CAPZA2: variants seen among roughly 807,000 people sequenced by gnomAD.
CAPZA2 encodes F-actin-capping protein subunit alpha-2.
A neutral mutation model predicts 44.0 loss-of-function variants in CAPZA2; 13 were observed. The observed-to-expected ratio is 0.30, with a 90% CI of 0.19 to 0.47. CAPZA2 has a LOEUF of 0.47. Among genes scored for constraint, CAPZA2 ranks in the 20% least tolerant of loss-of-function variants. The pLI is 1.00. For missense variants in CAPZA2, 244 were observed against 338.6 expected (o/e 0.72, Z 2.19); for synonymous variants, 94 against 108.2 (o/e 0.87, Z 0.81).
chr7:116,891,899 A>G (rs1262080210), intron 2 of CAPZA2, among the ~76,000 whole-genome samples: 2 of 152,188 alleles, frequency 1.3e-5, no homozygotes, highest in Admixed American at 6.6e-5. Flanking sequence ...AAATGGCTTT[A>G]TTGTAAAAAT....
At chr7:116,915,147 A>G (rs774261998) in intron 8 of CAPZA2, among the ~76,000 whole-genome samples, 2 of 152,098 alleles carry the variant, frequency 1.3e-5, no homozygotes, top group Non-Finnish European at 2.9e-5. Flanking sequence ...CACTAAAAAT[A>G]CAAAAATGAG....
chr7:116,884,458 G>A (rs9791721), intron 1 of CAPZA2, among the ~76,000 whole-genome samples: 4 of 151,484 alleles, frequency 2.6e-5, no homozygotes, highest in South Asian at 2.1e-4. Context: ...TCATCTTTTC[G>A]TCATTGCTCT....
intron 6 of CAPZA2, chr7:116,909,940 A>C: frequency 3.0e-6 from 1 of 337,888 alleles, no homozygotes; most frequent in East Asian, 6.2e-5. Context: ...AATTAGTGGC[A>C]AACAGCACTG....
At chr7:116,878,567 C>T (rs1277955154) in intron 1 of CAPZA2, among the ~76,000 whole-genome samples, 1 of 152,166 alleles carries the variant, frequency 6.6e-6, no homozygotes, top group Non-Finnish European at 1.5e-5. Flanking sequence ...AGATCATTTG[C>T]CTTTACTTAT....
intron 1 of CAPZA2, among the ~76,000 whole-genome samples, chr7:116,881,820 G>T (rs1384730816): frequency 6.8e-6 from 1 of 146,122 alleles, no homozygotes; most frequent in African/African-American, 2.5e-5. Context: ...ATCTAAACCA[G>T]AATCACATTG....
At chr7:116,908,008 C>A (rs529323794) in intron 6 of CAPZA2, among the ~76,000 whole-genome samples, 1 of 152,112 alleles carries the variant, frequency 6.6e-6, no homozygotes, top group African/African-American at 2.4e-5. Flanking sequence ...CATCTGTAAT[C>A]CCAGCACTTT....
chr7:116,887,998 A>G, intron 1 of CAPZA2, 129 bp from the exon 2 acceptor site: 1 of 625,540 alleles, frequency 1.6e-6, no homozygotes, highest in Non-Finnish European at 2.8e-6. Flanking sequence ...TGAGTGAAAA[A>G]GTATCACTGT....
chr7:116,912,699 G>A (rs1319278323), intron 8 of CAPZA2, among the ~76,000 whole-genome samples: 3 of 152,078 alleles, frequency 2.0e-5, no homozygotes, highest in African/African-American at 7.2e-5. Flanking sequence ...TCTGTTTTAT[G>A]GACATACCAC....
chr7:116,876,407 A>T (rs559907366), intron 1 of CAPZA2: 1 of 152,274 alleles, frequency 6.6e-6, no homozygotes, highest in East Asian at 1.9e-4. Flanking sequence ...ACGTTGTTGT[A>T]TGTCAACCAC....
At chr7:116,880,696 C>CTGTTTTTTTTT in intron 1 of CAPZA2, among the ~76,000 whole-genome samples, 1 of 24,686 alleles carries the variant, frequency 4.1e-5, no homozygotes, top group South Asian at 1.8e-3. Context: ...TGTAACCTGC[C>CTGTTTTTTTTT]TTTTTTTTTT....
At position 116,890,634 on chromosome 7, in the gene CAPZA2, G is replaced by A. The variant is rs1310200413; in HGVS notation, c.104-2360G>A. Among the ~76,000 whole-genome samples the A allele has an allele frequency of 5.3e-5, 7 of 131,988 alleles. 1 individual carries two copies. Among genetic ancestry groups the A allele is most frequent in the African/African-American group, 2.0e-4 (7 of 35,128 alleles). 86.6% of individuals were successfully genotyped at this position (131,988 alleles called of 152,430 possible). A position where few individuals can be genotyped will look rare whatever the true frequency, so the allele number is the denominator to read the frequency against. On this transcript the variant is annotated intron_variant, in intron 2 of 9. Coordinates refer to ENST00000361183, the MANE Select transcript of CAPZA2 (RefSeq NM_006136.3). ...CACACATATATACAAAAATTAGCAGGGTGTGGGTGGTGCATGCCTGGGAAT... is the reference window on the plus strand; with the variant it reads ...CACACATATATACAAAAATTAGCAGAGTGTGGGTGGTGCATGCCTGGGAAT...
intron 1 of CAPZA2, among the ~76,000 whole-genome samples, chr7:116,866,700 C>T (rs917999345): frequency 2.6e-5 from 4 of 152,178 alleles, no homozygotes; most frequent in Admixed American, 6.5e-5. Context: ...CGTTTTTCTT[C>T]CTGTAACCCT....
At chr7:116,898,471 AT>A (rs1174573345) in intron 3 of CAPZA2, among the ~76,000 whole-genome samples, 3 of 152,054 alleles carry the variant, frequency 2.0e-5, no homozygotes, top group Non-Finnish European at 2.9e-5. Flanking sequence ...GAACAATTGG[AT>A]GCATCTCTTA....
chr7:116,870,231 A>G (rs372912451), intron 1 of CAPZA2, among the ~76,000 whole-genome samples: 1 of 152,226 alleles, frequency 6.6e-6, no homozygotes, highest in Admixed American at 6.5e-5. Context: ...TGTAATATAC[A>G]TACTAAATTG....
At chr7:116,903,796 CCCTGAT>C (rs766491373) in intron 4 of CAPZA2, among the ~76,000 whole-genome samples, 2 of 152,154 alleles carry the variant, frequency 1.3e-5, no homozygotes, top group Non-Finnish European at 2.9e-5. Flanking sequence ...CAGGTAACCA[CCCTGAT>C]TGGAGGTTCT....
At chr7:116,892,621 A>G (rs535159777) in intron 2 of CAPZA2, among the ~76,000 whole-genome samples, 2 of 151,990 alleles carry the variant, frequency 1.3e-5, no homozygotes, top group East Asian at 1.9e-4. Flanking sequence ...CATAAAATAC[A>G]CTAACAATAG....
intron 1 of CAPZA2, among the ~76,000 whole-genome samples, chr7:116,866,129 T>C (rs1213770458): frequency 2.0e-5 from 3 of 152,152 alleles, no homozygotes; most frequent in Non-Finnish European, 2.9e-5. Context: ...TAAATTTAGC[T>C]GAAGAACACA....
chr7:116,916,852 G>A (rs1324423885), intron 9 of CAPZA2, among the ~76,000 whole-genome samples: 1 of 152,200 alleles, frequency 6.6e-6, no homozygotes, highest in Admixed American at 6.5e-5. Context: ...TGCTCAAAAT[G>A]TTTCAAGCTT....
chr7:116,874,701 G>A (rs1796599395), intron 1 of CAPZA2: 1 of 152,264 alleles, frequency 6.6e-6, no homozygotes, highest in Admixed American at 6.5e-5. Flanking sequence ...TTCCTGTGGG[G>A]TTTATCAAAG....
Sources: gnomAD v4.1 joint callset for allele counts (sites outside exome capture counted in the v4.1 genomes callset) on GRCh38, gnomAD v4.1.1 for gene constraint, MANE v1.5 for transcripts, NCBI Gene and HGNC (gene_info 2026-07-23, HGNC 2026-07-21) for gene names.